The following PLXDC2 variants were observed in gnomAD, a reference collection of about 807,000 sequenced individuals.
The protein encoded by PLXDC2 is plexin domain containing 2, also known as plexin domain-containing protein 2.
A neutral mutation model predicts 68.9 loss-of-function variants in PLXDC2; 40 were observed. The observed-to-expected ratio is 0.58, with a 90% CI of 0.45 to 0.76. The LOEUF (loss-of-function observed/expected upper bound fraction) is 0.76, where lower values mean the gene tolerates loss of function less well. PLXDC2 is among the 30% of genes least tolerant of loss of function. The pLI is 0.00. For missense variants in PLXDC2, 644 were observed against 661.9 expected, an observed-to-expected ratio of 0.97 and a Z score of 0.30; for synonymous variants, 243 against 234.2, an observed-to-expected ratio of 1.04 and a Z score of -0.34.
intron 2 of PLXDC2, among the ~76,000 whole-genome samples, chr10:20,030,571 A>G (rs1835486335): frequency 6.6e-6 from 1 of 152,186 alleles, no homozygotes; most frequent in Non-Finnish European, 1.5e-5. Context: ...CCAGAGAGCA[A>G]AGGGTAGGCT....
At chr10:19,861,747 G>C (rs1283511187) in intron 1 of PLXDC2, among the ~76,000 whole-genome samples, 2 of 152,076 alleles carry the variant, frequency 1.3e-5, no homozygotes, top group Non-Finnish European at 2.9e-5. Context: ...CTGACCTCTA[G>C]CTCCACCTCA....
At chr10:20,217,696 T>A in intron 11 of PLXDC2, 120 bp downstream of exon 11, 1 of 1,198,324 alleles carries the variant, frequency 8.3e-7, no homozygotes, top group Non-Finnish European at 1.1e-6. Flanking sequence ...CTCTCTAAAG[T>A]TATTCTTTGG....
intron 9 of PLXDC2, among the ~76,000 whole-genome samples, chr10:20,197,734 C>T (rs190114985): frequency 6.6e-6 from 1 of 151,674 alleles, no homozygotes; most frequent in Admixed American, 6.6e-5. Context: ...TCTCGGCTCA[C>T]TGCAACCTCC....
intron 6 of PLXDC2, among the ~76,000 whole-genome samples, chr10:20,155,540 T>C (rs1388248999): frequency 6.6e-6 from 1 of 152,162 alleles, no homozygotes; most frequent in African/African-American, 2.4e-5. Context: ...GATTAAAAGC[T>C]CTCAAGAAAT....
chr10:20,265,076 T>G (rs1430955081), intron 13 of PLXDC2, among the ~76,000 whole-genome samples: 2 of 152,228 alleles, frequency 1.3e-5, no homozygotes, highest in East Asian at 3.8e-4. Flanking sequence ...AGCAACATTT[T>G]GTGCTAGAAA....
intron 1 of PLXDC2, among the ~76,000 whole-genome samples, chr10:19,930,221 C>T (rs537535330): frequency 7.0e-4 from 107 of 152,062 alleles, no homozygotes; most frequent in African/African-American, 2.4e-3. Flanking sequence ...AGAAACTGAC[C>T]GAAATCAATT....
intron 7 of PLXDC2, among the ~76,000 whole-genome samples, chr10:20,172,324 T>C (rs539526130): frequency 6.6e-6 from 1 of 150,764 alleles, no homozygotes; most frequent in East Asian, 2.0e-4. Context: ...CAGGGAGGCA[T>C]GTTCCCCTGC....
At chr10:20,065,204 G>C (rs944881906) in intron 3 of PLXDC2, among the ~76,000 whole-genome samples, 1 of 152,218 alleles carries the variant, frequency 6.6e-6, no homozygotes, top group Non-Finnish European at 1.5e-5. Flanking sequence ...GATGTCATGT[G>C]TATGTACCAC....
intron 1 of PLXDC2, among the ~76,000 whole-genome samples, chr10:19,948,769 T>C (rs928797784): frequency 6.6e-6 from 1 of 152,118 alleles, no homozygotes; most frequent in African/African-American, 2.4e-5. Context: ...TTGTAGTTAC[T>C]TTATTTCAGA....
At chr10:19,994,163 C>G (rs938248270) in intron 1 of PLXDC2, among the ~76,000 whole-genome samples, 3 of 151,158 alleles carry the variant, frequency 2.0e-5, no homozygotes, top group Non-Finnish European at 4.4e-5. Flanking sequence ...ATAAGTGTAG[C>G]TAAACATTAC....
chr10:19,986,230 G>C (rs1014675189), intron 1 of PLXDC2, among the ~76,000 whole-genome samples: 1 of 152,108 alleles, frequency 6.6e-6, no homozygotes, highest in Non-Finnish European at 1.5e-5. Context: ...ATGAACTAGT[G>C]AGAGGTCTTT....
chr10:19,835,737 C>T (rs925144234), intron 1 of PLXDC2, among the ~76,000 whole-genome samples: 18 of 152,096 alleles, frequency 1.2e-4, no homozygotes, highest in African/African-American at 4.3e-4. Context: ...TTAGGAAAAG[C>T]ATCACTAGGA....
intron 4 of PLXDC2, among the ~76,000 whole-genome samples, chr10:20,094,003 T>C (rs1272732865): frequency 6.6e-6 from 1 of 152,204 alleles, no homozygotes; most frequent in African/African-American, 2.4e-5. Flanking sequence ...TGAAATTATT[T>C]GTAAATAGCA....
intron 4 of PLXDC2, among the ~76,000 whole-genome samples, chr10:20,117,199 A>G (rs1276277882): frequency 1.3e-5 from 2 of 152,176 alleles, no homozygotes; most frequent in Non-Finnish European, 2.9e-5. Context: ...TAAATAAATC[A>G]AAAGACATAT....
chr10:19,828,491 T>A (rs1589487545), intron 1 of PLXDC2, among the ~76,000 whole-genome samples: 1 of 152,204 alleles, frequency 6.6e-6, no homozygotes, highest in Non-Finnish European at 1.5e-5. Flanking sequence ...TCAGGCTTGG[T>A]GATCTGAGTA....
intron 9 of PLXDC2, among the ~76,000 whole-genome samples, chr10:20,184,452 A>G (rs1054887987): frequency 2.0e-5 from 3 of 150,854 alleles, no homozygotes; most frequent in African/African-American, 7.3e-5. Flanking sequence ...TGTGTATTAT[A>G]TTTCAAAAAA....
chr10:20,266,021 T>C (rs549039352), intron 13 of PLXDC2, among the ~76,000 whole-genome samples: 1 of 152,276 alleles, frequency 6.6e-6, no homozygotes, highest in East Asian at 1.9e-4. Context: ...TCTTGGACTA[T>C]GATATGAGCA....
At chr10:20,056,583 A>C (rs937811698) in intron 3 of PLXDC2, among the ~76,000 whole-genome samples, 2 of 152,182 alleles carry the variant, frequency 1.3e-5, no homozygotes, top group African/African-American at 4.8e-5. Context: ...CATTTTAGAC[A>C]TGGAAAGGAC....
At chr10:19,915,386 G>C (rs1165766722) in intron 1 of PLXDC2, among the ~76,000 whole-genome samples, 4 of 152,074 alleles carry the variant, frequency 2.6e-5, no homozygotes. Flanking sequence ...TGAAATGTAT[G>C]ACTCTTACTG....
Sources: gnomAD v4.1 joint callset for allele counts (sites outside exome capture counted in the v4.1 genomes callset) on GRCh38, gnomAD v4.1.1 for gene constraint, MANE v1.5 for transcripts, NCBI Gene and HGNC (gene_info 2026-07-23, HGNC 2026-07-21) for gene names.